Variants in PXDN observed in about 807,000 individuals in gnomAD.
PXDN encodes peroxidasin, also known as peroxidasin homolog.
Under a neutral mutation model 140.3 loss-of-function variants are expected in PXDN, and 77 were observed. That is an observed-to-expected ratio of 0.55 (90% CI 0.46 to 0.66). The LOEUF (loss-of-function observed/expected upper bound fraction) is 0.66. Ranked by LOEUF, PXDN falls within the 30% of genes least tolerant of loss-of-function variation. The probability of loss-of-function intolerance (pLI) is 0.00; values close to 1 mark genes in which losing one functional copy is unlikely to be tolerated. For missense variants in PXDN, 1,838 were observed against 2,039.5 expected, an observed-to-expected ratio of 0.90 and a Z score of 1.90; for synonymous variants, 911 against 857.4, an observed-to-expected ratio of 1.06 and a Z score of -1.09.
chr2:1,687,129 G>C lies in PXDN; in HGVS notation c.416+503C>G, dbSNP rs928814566. 6.6e-6 allele frequency among the ~76,000 whole-genome samples: 1 copy of C among 152,222 alleles called. No individual in the cohort carries two copies. Among genetic ancestry groups the C allele is most frequent in the Non-Finnish European group, 1.5e-5 (1 of 68,048 alleles). On this transcript the variant is annotated intron_variant, in intron 4 of 22. Coordinates refer to ENST00000252804, the MANE Select transcript of PXDN (RefSeq NM_012293.3). This position sits in a 1 kb window ranked among gnomAD's most constrained non-coding sequence, Gnocchi z 4.0. ...CATGACACACTGCATACACTAACTA[G>C]AACTACAAGGGAAAGAAAGGTTTTC...
At chr2:1,672,434 C>G (rs1683598960) in intron 9 of PXDN, among the ~76,000 whole-genome samples, 1 of 152,110 alleles carries the variant, frequency 6.6e-6, no homozygotes, top group Non-Finnish European at 1.5e-5. Flanking sequence ...ACTTTTTCTC[C>G]CTATTTTGTG....
chr2:1,741,725 CAGGT>C (rs1209748856), intron 1 of PXDN, among the ~76,000 whole-genome samples: 64 of 151,958 alleles, frequency 4.2e-4, no homozygotes, highest in Non-Finnish European at 2.2e-4. Context: ...AACTTTGGGG[CAGGT>C]TTTTTTTTAA....
At chr2:1,704,829 C>A (rs1684552632) in intron 1 of PXDN, among the ~76,000 whole-genome samples, 1 of 152,070 alleles carries the variant, frequency 6.6e-6, no homozygotes, top group Admixed American at 6.6e-5. Context: ...GGCAGCTTTG[C>A]CTTGAGCAGT....
Position 1,639,105 on chromosome 2 carries a change from T to A in PXDN, c.4074-127A>T. The A allele has an allele frequency of 1.4e-6, 1 of 691,492 alleles. No individual in the cohort carries two copies. Among genetic ancestry groups the A allele is most frequent in the Non-Finnish European group, 1.7e-6 (1 of 582,014 alleles). 42.8% of individuals were successfully genotyped at this position (691,492 alleles called of 1,614,324 possible). ...AGCTGGGTCTCATTTCAAGGTTTCCTGGGTGTGCACCGCCCCTGATGCTCT... is the reference window on the plus strand; with the variant it reads ...AGCTGGGTCTCATTTCAAGGTTTCCAGGGTGTGCACCGCCCCTGATGCTCT... On this transcript the variant is annotated intron_variant, in intron 20 of 22. Coordinates refer to ENST00000252804, the MANE Select transcript of PXDN (RefSeq NM_012293.3). The surrounding 1 kb of genome is among the most constrained non-coding windows in gnomAD (Gnocchi z 5.0).
At chr2:1,664,751 T>C (rs1300228643) in intron 11 of PXDN, 4 of 525,546 alleles carry the variant, frequency 7.6e-6, no homozygotes, top group South Asian at 3.1e-5. Context: ...CCTGCCATGA[T>C]GTCCATGAGG....
rs145576864 is a variant in PXDN at position 1,650,366 on chromosome 2, A to G, written c.2105-691T>C. Among the ~76,000 whole-genome samples, 60 of 152,326 alleles carry G rather than the reference A, an allele frequency of 3.9e-4. 2 individuals carry two copies. Among genetic ancestry groups the G allele is most frequent in the African/African-American group, 1.2e-3 (49 of 41,584 alleles). ...CTCCCCACAGCAAGCGCACGCTCCCATGAGCCTGGCACAGGCTCCGACTAG... is the reference window on the plus strand; with the variant it reads ...CTCCCCACAGCAAGCGCACGCTCCCGTGAGCCTGGCACAGGCTCCGACTAG... On this transcript the variant is annotated intron_variant, in intron 16 of 22. Transcript: ENST00000252804.
At chr2:1,726,632 C>T (rs933464088) in intron 1 of PXDN, among the ~76,000 whole-genome samples, 1 of 152,124 alleles carries the variant, frequency 6.6e-6, no homozygotes, top group African/African-American at 2.4e-5. Flanking sequence ...CCCATTTTAG[C>T]AAGCTTGTTT....
chr2:1,719,979 G>A (rs1221097020), intron 1 of PXDN, among the ~76,000 whole-genome samples: 2 of 104,384 alleles, frequency 1.9e-5, no homozygotes, highest in Non-Finnish European at 3.8e-5. Context: ...ACAGAGAGAG[G>A]GAGGGATGCA....
upstream of PXDN, chr2:1,744,596 C>T: frequency 2.8e-6 from 2 of 711,842 alleles, no homozygotes; most frequent in East Asian, 4.1e-5. Context: ...AGGCTCCTCC[C>T]GGCCCCTCTG....
chr2:1,728,343 G>C (rs1170884714), intron 1 of PXDN, among the ~76,000 whole-genome samples: 1 of 152,230 alleles, frequency 6.6e-6, no homozygotes, highest in Admixed American at 6.5e-5. Flanking sequence ...CAGGGTCCCT[G>C]GGCCCTCAGC....
At chr2:1,741,364 C>A (rs994586759) in intron 1 of PXDN, among the ~76,000 whole-genome samples, 5 of 152,272 alleles carry the variant, frequency 3.3e-5, no homozygotes, top group African/African-American at 1.2e-4. Flanking sequence ...AGTAAGGCCT[C>A]CAGAGGGGAG....
intron 1 of PXDN, among the ~76,000 whole-genome samples, chr2:1,729,153 A>T (rs1325004082): frequency 1.3e-5 from 2 of 152,234 alleles, no homozygotes; most frequent in Non-Finnish European, 2.9e-5. Flanking sequence ...GCTGGCAAAT[A>T]AACATACATG....
intron 8 of PXDN, among the ~76,000 whole-genome samples, chr2:1,674,865 G>A (rs1332447246): frequency 2.6e-5 from 4 of 152,074 alleles, no homozygotes; most frequent in Non-Finnish European, 2.9e-5. Context: ...CACCTTCCAC[G>A]CGAGTTTCCT....
chr2:1,695,958 C>T (rs1684291882), intron 1 of PXDN, among the ~76,000 whole-genome samples: 1 of 143,768 alleles, frequency 7.0e-6, no homozygotes, highest in Non-Finnish European at 1.5e-5. Context: ...TGGGTCTGAG[C>T]ACCTGAGAGG....
intron 19 of PXDN, among the ~76,000 whole-genome samples, chr2:1,642,865 G>A (rs991920459): frequency 1.3e-5 from 2 of 152,156 alleles, no homozygotes; most frequent in Non-Finnish European, 2.9e-5. Flanking sequence ...GGCCCCCCGC[G>A]CCAATCATGA....
At chr2:1,727,703 T>C in intron 1 of PXDN, among the ~76,000 whole-genome samples, 1 of 152,092 alleles carries the variant, frequency 6.6e-6, no homozygotes, top group East Asian at 1.9e-4. Context: ...CCAGACCCCC[T>C]GTGAGTCAAT....
Position 1,658,056 on chromosome 2 carries a change from CTCTCTCTCT to C in PXDN, c.1837+2816_1837+2824del, listed in dbSNP as rs1558494318. Among the ~76,000 whole-genome samples, 58 of 131,260 alleles carry C rather than the reference CTCTCTCTCT, an allele frequency of 4.4e-4. 2 individuals are homozygous for C. The highest frequency in any genetic ancestry group is 7.4e-4 in the Admixed American group (10 of 13,426). 86.1% of individuals were successfully genotyped at this position (131,260 alleles called of 152,430 possible). On this transcript the variant is annotated intron_variant, in intron 14 of 22. Coordinates refer to ENST00000252804, the MANE Select transcript of PXDN (RefSeq NM_012293.3). ...TCTCTCTCTCTCTCTCTCTCTCTCT[CTCTCTCTCT>C]CTCTCTCTCTCTCTCTCTCTCTCTC...
At chr2:1,664,512 G>A (rs1683385597) in intron 11 of PXDN, 1 of 162,394 alleles carries the variant, frequency 6.2e-6, no homozygotes, top group Non-Finnish European at 1.3e-5. Context: ...ATGCCGAATG[G>A]GGAGGTGACA....
At chr2:1,645,730 C>T (rs771168417) in intron 17 of PXDN, among the ~76,000 whole-genome samples, 49 of 152,192 alleles carry the variant, frequency 3.2e-4, no homozygotes, top group Non-Finnish European at 5.7e-4. Context: ...GAAACTTGGT[C>T]GGGAGGACCC....
Sources: allele counts gnomAD v4.1 joint callset (sites outside exome capture counted in the v4.1 genomes callset), GRCh38; gene constraint gnomAD v4.1.1; non-coding constraint Gnocchi (gnomAD v3.1); transcripts MANE v1.5; gene names NCBI Gene and HGNC (gene_info 2026-07-23, HGNC 2026-07-21).